CTNNB1: variants seen among roughly 807,000 people sequenced by gnomAD.
The protein encoded by CTNNB1 is catenin beta 1.
Under a neutral mutation model 82.5 loss-of-function variants are expected in CTNNB1, and 6 were observed. The ratio of observed to expected loss-of-function variants is 0.07; its 90% confidence interval spans 0.04 to 0.14. The LOEUF (loss-of-function observed/expected upper bound fraction) is 0.14, where lower values mean the gene tolerates loss of function less well. CTNNB1 is among the 10% of genes least tolerant of loss of function. The pLI, the probability that CTNNB1 is intolerant of heterozygous loss-of-function variation, is 1.00. For synonymous variants in CTNNB1, 312 were observed against 329.7 expected (o/e 0.95, Z 0.58); for missense variants, 529 against 980.4 (o/e 0.54, Z 6.15).
At chr3:41,234,395 C>T (rs900363539) in intron 10 of CTNNB1, 98 bp downstream of exon 10, 17 of 1,221,466 alleles carry the variant, frequency 1.4e-5, no homozygotes, top group African/African-American at 1.0e-4. Flanking sequence ...TCCCCCCATC[C>T]GTCTTCCTGA....
At position 41,203,139 on chromosome 3, in the gene CTNNB1, TGGA is replaced by T. The variant is rs1391766261; in HGVS notation, c.-49+3471_-49+3473del. The stretch of plus-strand genomic sequence containing the variant: ...CCTGAAGCAGCAGAGTGAGTAGTGT[TGGA>T]GCATGTTTTCATTGCATGCTTGGGT... On this transcript the variant is annotated intron_variant, in intron 1 of 14. Coordinates refer to ENST00000349496, the MANE Select transcript of CTNNB1 (RefSeq NM_001904.4). Among the ~76,000 whole-genome samples, 416 of 151,602 alleles carry T rather than the reference TGGA, an allele frequency of 2.7e-3. 2 individuals carry two copies. The highest frequency in any genetic ancestry group is 9.0e-3 in the African/African-American group (371 of 41,328).
intron 1 of CTNNB1, among the ~76,000 whole-genome samples, chr3:41,211,641 G>A (rs2077789266): frequency 6.6e-6 from 1 of 152,120 alleles, no homozygotes; most frequent in African/African-American, 2.4e-5. Flanking sequence ...TTGTTTCTGT[G>A]TTAATTTGCT....
chr3:41,204,694 T>C (rs2077610077), intron 1 of CTNNB1, among the ~76,000 whole-genome samples: 1 of 152,230 alleles, frequency 6.6e-6, no homozygotes, highest in African/African-American at 2.4e-5. Context: ...TTTGCAAGTG[T>C]TGGTGAACAA....
intron 1 of CTNNB1, chr3:41,220,419 A>G (rs905447163): frequency 5.2e-5 from 2 of 38,360 alleles, no homozygotes; most frequent in African/African-American, 1.1e-4. Flanking sequence ...CACCCACCCC[A>G]CCCCCCTCCC....
At chr3:41,220,197 T>C (rs188008339) in intron 1 of CTNNB1, among the ~76,000 whole-genome samples, 36 of 149,556 alleles carry the variant, frequency 2.4e-4, no homozygotes, top group African/African-American at 6.8e-4. Context: ...TTCCTATTTC[T>C]TTTTTTTTTC....
chr3:41,200,369 G>C (rs1172727925), intron 1 of CTNNB1: 2 of 152,152 alleles, frequency 1.3e-5, no homozygotes, highest in African/African-American at 2.4e-5. Flanking sequence ...CTGTATTTTA[G>C]CGTACTATGC....
In CTNNB1 at chr3:41,238,820, C is replaced by T. The variant is rs78895783; in HGVS notation, c.2138-314C>T. 2.6e-4 allele frequency among the ~76,000 whole-genome samples: 39 copies of T among 152,272 alleles called. No homozygotes were observed. The East Asian group carries it at 6.0e-3, about 23-fold the overall frequency. On this transcript the variant is annotated intron_variant, in intron 14 of 14. Coordinates refer to ENST00000349496, the MANE Select transcript of CTNNB1 (RefSeq NM_001904.4). Reference sequence around the variant, plus strand: ...ACAGTAGATTCCTGCTTCTTCTCCTCGGGAACCCCAAGTCTCTTGACAGGG... The same window carrying T: ...ACAGTAGATTCCTGCTTCTTCTCCTTGGGAACCCCAAGTCTCTTGACAGGG...
At position 41,237,810 on chromosome 3, in the gene CTNNB1, A is replaced by G. The variant is rs1282577093; in HGVS notation, c.2077-206A>G. 3 of 558,384 alleles carry G rather than the reference A, an allele frequency of 5.4e-6. No homozygotes were observed. In the African/African-American group the frequency reaches 5.8e-5, roughly 11 times the overall value. 34.6% of individuals were successfully genotyped at this position (558,384 alleles called of 1,614,324 possible). A position where few individuals can be genotyped will look rare whatever the true frequency, so the allele number is the denominator to read the frequency against. On this transcript the variant is annotated intron_variant, in intron 13 of 14. Coordinates refer to ENST00000349496, the MANE Select transcript of CTNNB1 (RefSeq NM_001904.4). Reference sequence around the variant, plus strand: ...TTGTTGAAAGAACAAGTCAGTGAGTATTTTTAATGTGAGGTGCAAAGAGAA... The same window carrying G: ...TTGTTGAAAGAACAAGTCAGTGAGTGTTTTTAATGTGAGGTGCAAAGAGAA...
rs372300514 is a variant in CTNNB1 at position 41,227,075 on chromosome 3, C to T, written c.937-133C>T. The T allele has an allele frequency of 5.0e-4, 380 of 755,508 alleles. 2 individuals are homozygous for T. The African/African-American group carries it at 5.0e-3, about 10-fold the overall frequency. 46.8% of individuals were successfully genotyped at this position (755,508 alleles called of 1,614,324 possible). ...AGTATGGGGGTCTGAGTGATGGGGT[C>T]CAGGAATACATTTAGGTCCAATGGC... On this transcript the variant is annotated intron_variant, in intron 6 of 14. Coordinates refer to ENST00000349496, the MANE Select transcript of CTNNB1 (RefSeq NM_001904.4).
chr3:41,230,590 C>A (rs1880481), intron 7 of CTNNB1, among the ~76,000 whole-genome samples: 60,826 of 151,944 alleles, frequency 0.4, 12,526 homozygotes, highest in Non-Finnish European at 0.46. Flanking sequence ...ATATGTGATC[C>A]TAAATTAGAA....
At position 41,224,996 on chromosome 3, in the gene CTNNB1, G is replaced by A. The variant is rs1158895192; in HGVS notation, c.284G>A (p.Arg95Gln). The A allele has an allele frequency of 1.2e-6, 2 of 1,614,030 alleles. No homozygotes were observed. The highest frequency in any genetic ancestry group is 8.5e-7 in the Non-Finnish European group (1 of 1,179,952). The change falls in exon 4 of 15, where the codon CGA (arginine) becomes CAA (glutamine). Residue 95 changes from arginine to glutamine, a missense_variant. Around this residue, in one of 4 missense-constraint regions of CTNNB1, gnomAD observed 411 missense variants for 776.4 expected, o/e 0.53. Transcript: ENST00000349496. ...GCAATGACTCGAGCTCAGAGGGTAC[G>A]AGCTGCTATGTTCCCTGAGACATTA... is the stretch of plus-strand genomic sequence containing the variant. Reference protein sequence around the residue: ...QYAMTRAQRVRAAMFPETLDE... With the variant: ...QYAMTRAQRVQAAMFPETLDE...
intron 1 of CTNNB1, among the ~76,000 whole-genome samples, chr3:41,211,281 T>G (rs1276254181): frequency 6.6e-6 from 1 of 152,202 alleles, no homozygotes; most frequent in Non-Finnish European, 1.5e-5. Flanking sequence ...CAGTTCATCA[T>G]CCACTGAAAT....
intron 13 of CTNNB1, chr3:41,237,182 T>C (rs2125648608): frequency 4.8e-6 from 1 of 208,012 alleles, no homozygotes; most frequent in South Asian, 8.0e-5. Flanking sequence ...ATTTTATCCA[T>C]TCTATAGAGA....
intron 1 of CTNNB1, among the ~76,000 whole-genome samples, chr3:41,208,220 C>T (rs1175510760): frequency 1.3e-5 from 2 of 150,522 alleles, no homozygotes; most frequent in Non-Finnish European, 2.9e-5. Context: ...TATAAGTCAC[C>T]TGTGTCACTA....
intron 1 of CTNNB1, among the ~76,000 whole-genome samples, chr3:41,211,741 T>C (rs1213533282): frequency 1.3e-5 from 2 of 152,210 alleles, no homozygotes; most frequent in Non-Finnish European, 2.9e-5. Flanking sequence ...CCATGGTGTA[T>C]AGGTACCACA....
At position 41,239,920 on chromosome 3, in the gene CTNNB1, A is replaced by ATT. The variant is rs1559480168; in HGVS notation, c.*578_*579insTT. On this transcript the variant is annotated 3_prime_UTR_variant, in exon 15 of 15. Transcript: ENST00000349496. ...TATCAAACCCTAGCCTTGCTTGTTA[A>ATT]ATTTTTTTTTTTTTTTTTTTAAGAA... 5.7e-5 allele frequency: 10 copies of ATT among 174,680 alleles called. No individual in the cohort carries two copies. The East Asian group carries it at 7.6e-4, about 13-fold the overall frequency. The allele number at this position is 174,680 out of a possible 1,614,324, so 10.8% of individuals were successfully genotyped here. A position where few individuals can be genotyped will look rare whatever the true frequency, so the allele number is the denominator to read the frequency against.
At position 41,236,570 on chromosome 3, in the gene CTNNB1, T is replaced by TTTC; in HGVS notation, c.1955-16_1955-14dup. 1 of 1,614,214 alleles carries TTTC rather than the reference T, an allele frequency of 6.2e-7. No individual in the cohort carries two copies. The highest frequency in any genetic ancestry group is 8.5e-7 in the Non-Finnish European group (1 of 1,180,028). On this transcript the variant is annotated splice_polypyrimidine_tract_variant and intron_variant, in intron 12 of 14. Transcript: ENST00000349496. Reference sequence around the variant, plus strand: ...GTCTCAGTTTTTCCTCAAGGGCCTTTTTCTCCTTGTCTCTTAGCGACATAT... The same window carrying TTTC: ...GTCTCAGTTTTTCCTCAAGGGCCTTTTTCTTCTCCTTGTCTCTTAGCGACATAT...
chr3:41,210,116 A>G (rs760004841), intron 1 of CTNNB1, among the ~76,000 whole-genome samples: 6 of 152,154 alleles, frequency 3.9e-5, no homozygotes, highest in Non-Finnish European at 5.9e-5. Flanking sequence ...AAGCTTTTTT[A>G]TATTTTTAAA....
chr3:41,234,114 G>T (rs774416575), intron 9 of CTNNB1, 25 bp from the exon 10 acceptor site: 1 of 1,614,112 alleles, frequency 6.2e-7, no homozygotes. Flanking sequence ...TGAGTTGTAT[G>T]CCAGTTCTTC....
Sources: allele counts gnomAD v4.1 joint callset (sites outside exome capture counted in the v4.1 genomes callset), GRCh38; gene constraint gnomAD v4.1.1; regional missense constraint gnomAD v4.1.1; transcripts MANE v1.5; gene names NCBI Gene and HGNC (gene_info 2026-07-23, HGNC 2026-07-21).